Variants in NHS observed in about 807,000 individuals in gnomAD.
NHS encodes the protein NHS actin remodeling regulator, also known as actin remodeling regulator NHS.
A neutral mutation model predicts 72.5 loss-of-function variants in NHS; 5 were observed. The ratio of observed to expected loss-of-function variants is 0.07; its 90% CI spans 0.04 to 0.14. The LOEUF (loss-of-function observed/expected upper bound fraction) is 0.14, where lower values mean the gene tolerates loss of function less well. Ranked by LOEUF, NHS falls within the 10% of genes least tolerant of loss-of-function variation. The pLI, the probability that NHS is intolerant of heterozygous loss-of-function variation, is 1.00. For synonymous variants in NHS, 464 were observed against 547.7 expected (o/e 0.85, Z 2.13); for missense variants, 1,072 against 1,355.7 (o/e 0.79, Z 3.29).
chrX:17,602,935 G>A (rs2065659306), intron 1 of NHS, among the ~76,000 whole-genome samples: 1 of 107,010 alleles, frequency 9.3e-6, no homozygotes, highest in South Asian at 4.3e-4. Flanking sequence ...CTAACTCCTG[G>A]GATCGGGTGA....
intron 1 of NHS, among the ~76,000 whole-genome samples, chrX:17,575,293 G>A (rs1007395814): frequency 8.9e-6 from 1 of 112,981 alleles, no homozygotes; most frequent in Non-Finnish European, 1.9e-5. Flanking sequence ...GCATGACCTG[G>A]CAAGCTGTTC....
At chrX:17,681,820 C>T (rs1386475232) in intron 1 of NHS, among the ~76,000 whole-genome samples, 1 of 111,692 alleles carries the variant, frequency 9.0e-6, no homozygotes, top group Non-Finnish European at 1.9e-5. Context: ...ATCCTTTTAG[C>T]GTACAAATAA....
chrX:17,529,583 G>A (rs1009559345), intron 1 of NHS, among the ~76,000 whole-genome samples: 1 of 111,437 alleles, frequency 9.0e-6, no homozygotes, highest in African/African-American at 3.3e-5. Flanking sequence ...GAAAAAAAAT[G>A]CTCTCCTTCC....
chrX:17,617,104 A>G (rs950712624), intron 1 of NHS, among the ~76,000 whole-genome samples: 2 of 112,138 alleles, frequency 1.8e-5, no homozygotes, highest in African/African-American at 6.5e-5. Flanking sequence ...GACTGTCGTG[A>G]AAGTAATAGG....
intron 1 of NHS, among the ~76,000 whole-genome samples, chrX:17,539,811 G>A (rs1276432661): frequency 1.8e-5 from 2 of 111,721 alleles, no homozygotes; most frequent in African/African-American, 6.5e-5. Flanking sequence ...CTTTAATGGG[G>A]CAGGGTCACA....
At chrX:17,537,010 A>C (rs999361014) in intron 1 of NHS, among the ~76,000 whole-genome samples, 2 of 112,396 alleles carry the variant, frequency 1.8e-5, no homozygotes, top group African/African-American at 6.5e-5. Flanking sequence ...TTGAAATATG[A>C]GTCATGAAAT....
chrX:17,576,518 C>T (rs1035078881), intron 1 of NHS, among the ~76,000 whole-genome samples: 1 of 111,352 alleles, frequency 9.0e-6, no homozygotes, highest in Non-Finnish European at 1.9e-5. Context: ...ATTAAATAAC[C>T]CTTCTCCCAA....
chrX:17,510,813 A>G (rs2065083695), intron 1 of NHS, among the ~76,000 whole-genome samples: 1 of 112,567 alleles, frequency 8.9e-6, no homozygotes, highest in Non-Finnish European at 1.9e-5. Flanking sequence ...ATTTAACTGA[A>G]GACATAGATT....
At chrX:17,542,772 C>G (rs1391939416) in intron 1 of NHS, among the ~76,000 whole-genome samples, 2 of 107,886 alleles carry the variant, frequency 1.9e-5, no homozygotes, top group African/African-American at 3.4e-5. Context: ...GTACTCAGAC[C>G]TGGGTTCAAC....
chrX:17,644,552 T>C (rs1367293442), intron 1 of NHS, among the ~76,000 whole-genome samples: 4 of 111,459 alleles, frequency 3.6e-5, no homozygotes, highest in Non-Finnish European at 5.6e-5. Flanking sequence ...GAAAGATAGT[T>C]GTGCCTGTCT....
intron 1 of NHS, among the ~76,000 whole-genome samples, chrX:17,525,683 G>T (rs2065170197): frequency 1.1e-5 from 1 of 87,365 alleles, no homozygotes; most frequent in Non-Finnish European, 2.2e-5. Context: ...GGGTTTTTAT[G>T]GGAGAAACCT....
intron 1 of NHS, among the ~76,000 whole-genome samples, chrX:17,404,059 A>G (rs1359023717): frequency 8.9e-6 from 1 of 112,453 alleles, no homozygotes; most frequent in Non-Finnish European, 1.9e-5. Flanking sequence ...ATGCTGTAGT[A>G]AAAATCACCT....
chrX:17,426,061 A>T (rs991811263), intron 1 of NHS: 1 of 111,944 alleles, frequency 8.9e-6, no homozygotes, highest in African/African-American at 3.3e-5. Context: ...CGTGATGTAG[A>T]CTTCTCAGAA....
intron 1 of NHS, among the ~76,000 whole-genome samples, chrX:17,407,738 A>G (rs1250137336): frequency 9.0e-6 from 1 of 111,686 alleles, no homozygotes; most frequent in Admixed American, 9.5e-5. Flanking sequence ...CAAGCAATTT[A>G]CATGGTGGAG....
intron 1 of NHS, chrX:17,635,160 C>T: frequency 3.0e-6 from 1 of 333,093 alleles, no homozygotes. Flanking sequence ...GCTCCTAACC[C>T]CCTGGCCAAC....
At chrX:17,583,677 T>C (rs898276181) in intron 1 of NHS, among the ~76,000 whole-genome samples, 7 of 112,103 alleles carry the variant, frequency 6.2e-5, no homozygotes, top group African/African-American at 2.3e-4. Context: ...TCAGTCTTCA[T>C]GCCATCCCAC....
chrX:17,570,350 A>G (rs1005376416), intron 1 of NHS, among the ~76,000 whole-genome samples: 1 of 111,911 alleles, frequency 8.9e-6, no homozygotes, highest in Non-Finnish European at 1.9e-5. Context: ...TTCCTTGAGC[A>G]GTGGTTTGTA....
At position 17,732,878 on chromosome X, in the gene NHS, C is replaced by G. The variant is rs2066498313; in HGVS notation, c.*414C>G. The G allele has an allele frequency of 5.7e-6, 1 of 174,654 alleles. No homozygotes were observed. Among genetic ancestry groups the G allele is most frequent in the African/African-American group, 3.0e-5 (1 of 33,367 alleles). The allele number at this position is 174,654 out of a possible 1,213,427, so 14.4% of individuals were successfully genotyped here. A position where few individuals can be genotyped will look rare whatever the true frequency, so the allele number is the denominator to read the frequency against. On this transcript the variant is annotated 3_prime_UTR_variant, in exon 9 of 9. Coordinates refer to ENST00000676302, the MANE Select transcript of NHS (RefSeq NM_001291867.2). ...TGGTATTTTTTTACATTAAAACAAA[C>G]TAAAGCAAAATTTAGAAGAAAGAAC... is the stretch of plus-strand genomic sequence containing the variant.
At chrX:17,593,245 A>C (rs1307282461) in intron 1 of NHS, among the ~76,000 whole-genome samples, 7 of 111,159 alleles carry the variant, frequency 6.3e-5, no homozygotes, top group African/African-American at 2.3e-4. Flanking sequence ...TACAACACTC[A>C]CCTCCCAGAG....
Sources: allele counts gnomAD v4.1 joint callset (sites outside exome capture counted in the v4.1 genomes callset), GRCh38; gene constraint gnomAD v4.1.1; transcripts MANE v1.5; gene names NCBI Gene and HGNC (gene_info 2026-07-23, HGNC 2026-07-21).